DNAJC13: variants seen among roughly 807,000 people sequenced by gnomAD.
The protein encoded by DNAJC13 is DnaJ heat shock protein family (Hsp40) member C13.
A neutral mutation model predicts 290.5 loss-of-function variants in DNAJC13; 75 were observed. The observed-to-expected ratio is 0.26, with a 90% confidence interval of 0.21 to 0.31. The LOEUF is 0.31. Among genes scored for constraint, DNAJC13 ranks in the 10% least tolerant of loss-of-function variants. The pLI is 1.00. For missense variants in DNAJC13, 2,260 were observed against 2,674.5 expected, an observed-to-expected ratio of 0.85 and a Z score of 3.42; for synonymous variants, 862 against 892.0, an observed-to-expected ratio of 0.97 and a Z score of 0.60.
At chr3:132,516,871 T>G in intron 48 of DNAJC13, 55 bp downstream of exon 48, 1 of 1,367,642 alleles carries the variant, frequency 7.3e-7, no homozygotes, top group South Asian at 1.3e-5. Context: ...ATTGTTACTT[T>G]GATACTGATT....
At position 132,525,655 on chromosome 3, in the gene DNAJC13, A is replaced by G. The variant is rs774056570; in HGVS notation, c.6106A>G (p.Ser2036Gly). 6.2e-7 allele frequency: 1 copy of G among 1,614,080 alleles called. No individual in the cohort carries two copies. Among genetic ancestry groups the G allele is most frequent in the Non-Finnish European group, 8.5e-7 (1 of 1,180,032 alleles). ...GACAATGGCAACAGTGTGTCTCTTCAGCGCACAACCTCAGCTGGCAGATCA... is the reference window on the plus strand; with the variant it reads ...GACAATGGCAACAGTGTGTCTCTTCGGCGCACAACCTCAGCTGGCAGATCA... ...TLTMATVCLF[S>G]AQPQLADQVP... Residue 2036 changes from serine to glycine, a missense_variant, in exon 52 of 56, where the codon AGC becomes GGC. Ser to Gly is a moderately conservative substitution (Grantham distance 56). Around this residue, in one of 3 missense-constraint regions of DNAJC13, gnomAD observed 1,494 missense variants for 1,693.7 expected, o/e 0.88. Transcript: ENST00000260818.
chr3:132,470,730 G>A (rs1934194227), intron 20 of DNAJC13, among the ~76,000 whole-genome samples: 2 of 110,172 alleles, frequency 1.8e-5, no homozygotes, highest in South Asian at 6.7e-4. Flanking sequence ...TCACTTCCCA[G>A]TAGGGGCGGC....
intron 48 of DNAJC13, among the ~76,000 whole-genome samples, chr3:132,520,004 C>G (rs1936038477): frequency 6.6e-6 from 1 of 152,134 alleles, no homozygotes; most frequent in Admixed American, 6.5e-5. Context: ...ACCATCAGAT[C>G]CCTTGAGACT....
chr3:132,441,048 T>C (rs1294278156), intron 2 of DNAJC13, among the ~76,000 whole-genome samples: 1 of 152,216 alleles, frequency 6.6e-6, no homozygotes, highest in East Asian at 1.9e-4. Flanking sequence ...TTCTCAAGCT[T>C]TTAATGATAA....
intron 55 of DNAJC13, among the ~76,000 whole-genome samples, chr3:132,536,091 T>C (rs1402769092): frequency 6.6e-6 from 1 of 152,190 alleles, no homozygotes; most frequent in Non-Finnish European, 1.5e-5. Context: ...CTCAGTAATT[T>C]TTTCATCCGT....
intron 2 of DNAJC13, 83 bp from the exon 3 acceptor site, chr3:132,446,392 C>A: frequency 1.1e-6 from 1 of 904,502 alleles, no homozygotes; most frequent in Non-Finnish European, 1.7e-6. Flanking sequence ...ATGTATTGAA[C>A]TGTTTGTTTT....
At chr3:132,486,624 GA>G (rs1934887026) in intron 29 of DNAJC13, among the ~76,000 whole-genome samples, 1 of 152,120 alleles carries the variant, frequency 6.6e-6, no homozygotes, top group Non-Finnish European at 1.5e-5. Flanking sequence ...TTATTTTTAA[GA>G]AGTTATTTTT....
chr3:132,467,579 C>T (rs1934041197), intron 20 of DNAJC13, among the ~76,000 whole-genome samples: 1 of 152,126 alleles, frequency 6.6e-6, no homozygotes, highest in Admixed American at 6.5e-5. Flanking sequence ...CATTCTCCTG[C>T]CTCAGCCTCC....
Position 132,538,293 on chromosome 3 carries a change from A to G in DNAJC13, c.*11A>G. On this transcript the variant is annotated 3_prime_UTR_variant, in exon 56 of 56. Coordinates refer to ENST00000260818, the MANE Select transcript of DNAJC13 (RefSeq NM_015268.4). ...GGCTATCAGACTTGAAATATTCACG[A>G]GAGACAATAAACGCTGAAAGGCCAG... 1 of 1,609,822 alleles carries G rather than the reference A, an allele frequency of 6.2e-7. No individual in the cohort carries two copies. The highest frequency in any genetic ancestry group is 1.1e-5 in the South Asian group (1 of 90,794).
In DNAJC13 at chr3:132,456,789, G is replaced by A. The variant is rs2107669659; in HGVS notation, c.1306G>A (p.Val436Met). 2 of 1,613,780 alleles carry A rather than the reference G, an allele frequency of 1.2e-6. No homozygotes were observed. Among genetic ancestry groups the A allele is most frequent in the Non-Finnish European group, 1.7e-6 (2 of 1,179,836 alleles). ...TCAGTTCCAGGCTGTGAGGAGGCTT[G>A]TGGCATCCAAAGCTGGTTTCCTGGC... is the stretch of plus-strand genomic sequence containing the variant. ...ESQFQAVRRL[V>M]ASKAGFLAFT... Residue 436 changes from valine to methionine, a missense_variant, in exon 12 of 56, where the codon GTG becomes ATG. By Grantham distance (21) the Val-to-Met change is conservative. Around this residue, in one of 3 missense-constraint regions of DNAJC13, gnomAD observed 762 missense variants for 964.1 expected, o/e 0.79. Transcript: ENST00000260818.
chr3:132,478,210 A>G, intron 24 of DNAJC13, 70 bp downstream of exon 24: 3 of 1,335,974 alleles, frequency 2.2e-6, no homozygotes, highest in Non-Finnish European at 2.0e-6. Context: ...TTTAAAAACT[A>G]AATTTAAATT....
intron 8 of DNAJC13, 114 bp from the exon 9 acceptor site, chr3:132,453,952 A>G: frequency 1.1e-6 from 1 of 878,972 alleles, no homozygotes; most frequent in African/African-American, 1.7e-5. Context: ...TATATTGTAA[A>G]CAAGTCACAT....
intron 32 of DNAJC13, 147 bp from the exon 33 acceptor site, chr3:132,492,267 G>A (rs1300930385): frequency 6.9e-6 from 6 of 875,262 alleles, no homozygotes; most frequent in Admixed American, 4.8e-5. Flanking sequence ...AATGCCCAAA[G>A]TACCATATTT....
At chr3:132,507,909 AG>A (rs1935646328) in intron 43 of DNAJC13, among the ~76,000 whole-genome samples, 1 of 152,222 alleles carries the variant, frequency 6.6e-6, no homozygotes, top group African/African-American at 2.4e-5. Context: ...TTGATGAGGA[AG>A]GCTTGTCAGA....
chr3:132,446,505 T>A lies in DNAJC13; in HGVS notation c.99T>A (p.His33Gln), dbSNP rs1933248402. The A allele has an allele frequency of 3.1e-6, 5 of 1,609,520 alleles. No individual in the cohort carries two copies. Among genetic ancestry groups the A allele is most frequent in the East Asian group, 2.2e-5 (1 of 44,620 alleles). Residue 33 changes from histidine (H) to glutamine (Q), a missense_variant, in exon 3 of 56, where the codon CAT (histidine) becomes CAA (glutamine). His to Gln is a conservative substitution (Grantham distance 24). Coordinates refer to ENST00000260818, the MANE Select transcript of DNAJC13 (RefSeq NM_015268.4). ...AGCGTGTCTTTTCAGTTGGAACTCATGCGATTACTACATATAATCCCAATA... is the reference window on the plus strand; with the variant it reads ...AGCGTGTCTTTTCAGTTGGAACTCAAGCGATTACTACATATAATCCCAATA... ...KYKRVFSVGT[H>Q]AITTYNPNTL...
intron 45 of DNAJC13, among the ~76,000 whole-genome samples, 192 bp from the exon 46 acceptor site, chr3:132,514,379 C>A (rs1379893268): frequency 6.6e-6 from 1 of 152,044 alleles, no homozygotes; most frequent in Non-Finnish European, 1.5e-5. Flanking sequence ...GGATTGAAGG[C>A]TTCTTAGAAA....
chr3:132,472,641 TTC>T (rs1576482130), intron 20 of DNAJC13: 1 of 955,800 alleles, frequency 1.0e-6, no homozygotes, highest in Non-Finnish European at 1.2e-6. Flanking sequence ...ATCTTTGATA[TTC>T]TCTGTTTAAT....
intron 2 of DNAJC13, among the ~76,000 whole-genome samples, chr3:132,436,153 T>TC (rs1009355522): frequency 4.6e-5 from 7 of 152,198 alleles, no homozygotes; most frequent in Non-Finnish European, 8.8e-5. Flanking sequence ...GAGAACACTT[T>TC]CATCACCTCG....
Position 132,433,939 on chromosome 3 carries a change from C to T in DNAJC13, c.-13-599C>T, listed in dbSNP as rs1042553939. Among the ~76,000 whole-genome samples, 10 of 152,122 alleles carry T rather than the reference C, an allele frequency of 6.6e-5. 1 individual carries two copies. The South Asian group carries it at 8.3e-4, about 13-fold the overall frequency. On this transcript the variant is annotated intron_variant, in intron 1 of 55. Coordinates refer to ENST00000260818, the MANE Select transcript of DNAJC13 (RefSeq NM_015268.4). ...TAAAAACCTTATGGTCTTGACCGGG[C>T]GCTGTGGCTCACGCCTGTAATCCCA...
Sources: allele counts gnomAD v4.1 joint callset (sites outside exome capture counted in the v4.1 genomes callset), GRCh38; gene constraint gnomAD v4.1.1; regional missense constraint gnomAD v4.1.1; transcripts MANE v1.5; gene names NCBI Gene and HGNC (gene_info 2026-07-23, HGNC 2026-07-21).